The following PPAT variants were observed in gnomAD, a reference collection of about 807,000 sequenced individuals.
The protein encoded by PPAT is amidophosphoribosyltransferase.
A neutral mutation model predicts 60.2 loss-of-function variants in PPAT; 20 were observed. The observed-to-expected ratio is 0.33, with a 90% CI of 0.23 to 0.48. The LOEUF is 0.48. Among genes scored for constraint, PPAT ranks in the 20% least tolerant of loss-of-function variants. PPAT has a pLI of 0.99. For missense variants in PPAT, 349 were observed against 629.6 expected, an observed-to-expected ratio of 0.55 and a Z score of 4.77; for synonymous variants, 194 against 215.1, an observed-to-expected ratio of 0.90 and a Z score of 0.86.
chr4:56,426,351 G>A (rs1326935274), intron 1 of PPAT, among the ~76,000 whole-genome samples: 7 of 151,854 alleles, frequency 4.6e-5, no homozygotes, highest in African/African-American at 7.3e-5. Context: ...GCAGTGAGCC[G>A]TGGTCACACC....
At chr4:56,414,119 C>T (rs1440367516) in intron 1 of PPAT, 1 of 152,006 alleles carries the variant, frequency 6.6e-6, no homozygotes, top group Non-Finnish European at 1.5e-5. Flanking sequence ...CTGCAGAATC[C>T]AAAAATTTTT....
chr4:56,424,858 C>T (rs1353743102), intron 1 of PPAT, among the ~76,000 whole-genome samples: 1 of 152,160 alleles, frequency 6.6e-6, no homozygotes, highest in Non-Finnish European at 1.5e-5. Context: ...TCCCGCAAGC[C>T]ACTGCTTTCT....
chr4:56,417,834 G>GTTTTTT (rs1560645697), intron 1 of PPAT, among the ~76,000 whole-genome samples: 2 of 111,160 alleles, frequency 1.8e-5, no homozygotes, highest in African/African-American at 7.1e-5. Flanking sequence ...TTGAAGATTT[G>GTTTTTT]GTTTTTTGTT....
At position 56,410,899 on chromosome 4, in the gene PPAT, T is replaced by TAAAAAAA. The variant is rs35668849; in HGVS notation, c.129-3190_129-3184dup. The TAAAAAAA allele has an allele frequency of 9.7e-5, 66 of 678,536 alleles. 1 individual carries two copies. In the East Asian group the frequency reaches 1.0e-3, roughly 10 times the overall value. The allele number at this position is 678,536 out of a possible 1,614,324, so 42.0% of individuals were successfully genotyped here. On this transcript the variant is annotated intron_variant, in intron 1 of 10. Transcript: ENST00000264220. Reference sequence around the variant, plus strand: ...GTACAGCCCCAGAGACCACTGAAGGTAAAAAAAAAAAAAAAAAAAAAAAAA... The same window carrying TAAAAAAA: ...GTACAGCCCCAGAGACCACTGAAGGTAAAAAAAAAAAAAAAAAAAAAAAAAAAAAAAA...
At chr4:56,422,947 T>C (rs1442939116) in intron 1 of PPAT, 2 of 144,184 alleles carry the variant, frequency 1.4e-5, no homozygotes, top group Admixed American at 1.5e-4. Flanking sequence ...CCTAGCAATC[T>C]GTTTTAACAA....
At chr4:56,402,848 A>AAGG (rs1560638308) in intron 5 of PPAT, among the ~76,000 whole-genome samples, 192 bp downstream of exon 5, 1 of 76,102 alleles carries the variant, frequency 1.3e-5, no homozygotes, top group East Asian at 5.9e-4. Flanking sequence ...AAAAAAAAAA[A>AAGG]GGGGGGGGAC....
At chr4:56,419,117 G>C (rs1716914259) in intron 1 of PPAT, among the ~76,000 whole-genome samples, 1 of 152,200 alleles carries the variant, frequency 6.6e-6, no homozygotes, top group Non-Finnish European at 1.5e-5. Flanking sequence ...GCAGGTACCA[G>C]AGTGGTGGTT....
chr4:56,421,771 C>T (rs1717050022), intron 1 of PPAT: 1 of 152,194 alleles, frequency 6.6e-6, no homozygotes, highest in Non-Finnish European at 1.5e-5. Flanking sequence ...AGCAGCCCAA[C>T]AGCAGTGGCA....
chr4:56,432,554 G>A (rs968583886), intron 1 of PPAT, among the ~76,000 whole-genome samples: 6 of 148,694 alleles, frequency 4.0e-5, no homozygotes, highest in African/African-American at 1.5e-4. Context: ...GGGAGGCCAA[G>A]GCGGGCAGAT....
At chr4:56,407,770 G>A in intron 1 of PPAT, 54 bp from the exon 2 acceptor site, 2 of 1,361,708 alleles carry the variant, frequency 1.5e-6, no homozygotes, top group Non-Finnish European at 2.1e-6. Flanking sequence ...TTAGCTTCTT[G>A]AAGAACTTTA....
At chr4:56,433,140 C>T (rs754229115) in intron 1 of PPAT, among the ~76,000 whole-genome samples, 9 of 151,802 alleles carry the variant, frequency 5.9e-5, no homozygotes, top group Non-Finnish European at 8.8e-5. Context: ...ATCAGTCCTC[C>T]CAAAGGATGA....
At chr4:56,425,401 T>C in intron 1 of PPAT, 2 of 927,252 alleles carry the variant, frequency 2.2e-6, no homozygotes, top group South Asian at 1.0e-4. Flanking sequence ...AACTTATTAC[T>C]AAAACTTCAG....
intron 1 of PPAT, among the ~76,000 whole-genome samples, chr4:56,417,380 G>C (rs927637255): frequency 6.6e-6 from 1 of 151,874 alleles, no homozygotes; most frequent in South Asian, 2.1e-4. Context: ...TTTTTTTAAT[G>C]ACTTAAAACT....
At chr4:56,395,686 AAAG>A (rs1715952694) in intron 10 of PPAT, 138 bp from the exon 11 acceptor site, 3 of 612,866 alleles carry the variant, frequency 4.9e-6, no homozygotes, top group Admixed American at 8.8e-5. Flanking sequence ...AAAAAAAAAA[AAAG>A]GAAAAAAAAT....
chr4:56,422,361 C>T (rs1717080419), intron 1 of PPAT: 1 of 152,016 alleles, frequency 6.6e-6, no homozygotes, highest in South Asian at 2.1e-4. Context: ...TTCATACAGT[C>T]ATTGCTGGAG....
At chr4:56,434,137 C>T (rs1717764664) in intron 1 of PPAT, among the ~76,000 whole-genome samples, 1 of 152,164 alleles carries the variant, frequency 6.6e-6, no homozygotes, top group African/African-American at 2.4e-5. Flanking sequence ...CCACAATTAT[C>T]CAAGATTGGA....
chr4:56,402,986 T>G (rs1454834558), intron 5 of PPAT, 54 bp downstream of exon 5: 10 of 1,494,370 alleles, frequency 6.7e-6, no homozygotes, highest in Non-Finnish European at 8.1e-6. Context: ...TTGATAGCAG[T>G]AGGACAATAA....
chr4:56,408,723 C>T (rs1434173597), intron 1 of PPAT, among the ~76,000 whole-genome samples: 9 of 147,868 alleles, frequency 6.1e-5, no homozygotes, highest in African/African-American at 2.3e-4. Flanking sequence ...CACTGCACTC[C>T]GGCCTGGGCG....
At chr4:56,430,433 G>A (rs116750010) in intron 1 of PPAT, among the ~76,000 whole-genome samples, 204 of 152,208 alleles carry the variant, frequency 1.3e-3, no homozygotes, top group African/African-American at 4.8e-3. Flanking sequence ...AGGTCTCTGC[G>A]AGGGCAGGGA....
Sources: allele counts gnomAD v4.1 joint callset (sites outside exome capture counted in the v4.1 genomes callset), GRCh38; gene constraint gnomAD v4.1.1; transcripts MANE v1.5; gene names NCBI Gene and HGNC (gene_info 2026-07-23, HGNC 2026-07-21).